DACH1: variants seen among roughly 807,000 people sequenced by gnomAD.
DACH1 encodes the protein dachshund family transcription factor 1.
Under a neutral mutation model 54.2 loss-of-function variants are expected in DACH1, and 12 were observed. The observed-to-expected ratio is 0.22, with a 90% CI of 0.14 to 0.36. The LOEUF is 0.36. Among genes scored for constraint, DACH1 ranks in the 10% least tolerant of loss-of-function variants. The probability of loss-of-function intolerance (pLI) is 1.00; values close to 1 mark genes in which losing one functional copy is unlikely to be tolerated. For synonymous variants in DACH1, 386 were observed against 366.2 expected (o/e 1.05, Z -0.62); for missense variants, 805 against 929.8 (o/e 0.87, Z 1.75).
chr13:71,732,388 C>T (rs1199951395), intron 1 of DACH1, among the ~76,000 whole-genome samples: 1 of 151,820 alleles, frequency 6.6e-6, no homozygotes, highest in Non-Finnish European at 1.5e-5. Context: ...AGTTCGAGAC[C>T]AGCCTGGCCA....
chr13:71,766,408 G>GT (rs1885630824), intron 1 of DACH1, among the ~76,000 whole-genome samples: 1 of 152,062 alleles, frequency 6.6e-6, no homozygotes, highest in African/African-American at 2.4e-5. Context: ...AAGCAACCCA[G>GT]TTTTTTCTAA....
intron 6 of DACH1, among the ~76,000 whole-genome samples, chr13:71,495,532 G>C (rs1879336153): frequency 6.6e-6 from 1 of 152,010 alleles, no homozygotes; most frequent in Non-Finnish European, 1.5e-5. Flanking sequence ...ATTATTTCCA[G>C]ACATAAAACA....
chr13:71,669,843 G>A (rs1472781144), intron 2 of DACH1, among the ~76,000 whole-genome samples: 1 of 152,150 alleles, frequency 6.6e-6, no homozygotes, highest in Non-Finnish European at 1.5e-5. Flanking sequence ...GAACAAGTGA[G>A]GGCAGGTAGT....
rs549565672 is a variant in DACH1 at position 71,782,640 on chromosome 13, C to G, written c.848+83282G>C. Among the ~76,000 whole-genome samples, 5 of 152,046 alleles carry G rather than the reference C, an allele frequency of 3.3e-5. No individual in the cohort carries two copies. The South Asian group carries it at 1.0e-3, about 32-fold the overall frequency. On this transcript the variant is annotated intron_variant, in intron 1 of 10. Transcript: ENST00000613252. ...CCCATAAAAATCACAGCATCAGGAACTATCTTAGTCATCAGCATCCATTCA... is the reference window on the plus strand; with the variant it reads ...CCCATAAAAATCACAGCATCAGGAAGTATCTTAGTCATCAGCATCCATTCA...
At chr13:71,753,119 C>T (rs974565501) in intron 1 of DACH1, among the ~76,000 whole-genome samples, 1 of 152,118 alleles carries the variant, frequency 6.6e-6, no homozygotes, top group Non-Finnish European at 1.5e-5. Context: ...GAAAAATAAG[C>T]GAACCACTGC....
chr13:71,633,500 T>C (rs916745710), intron 2 of DACH1, among the ~76,000 whole-genome samples: 1 of 152,150 alleles, frequency 6.6e-6, no homozygotes, highest in Non-Finnish European at 1.5e-5. Flanking sequence ...ATGATTTTAT[T>C]ATTTAGCTGA....
Position 71,840,911 on chromosome 13 carries a change from T to C in DACH1, c.848+25011A>G, listed in dbSNP as rs76826413. On this transcript the variant is annotated intron_variant, in intron 1 of 10. Coordinates refer to ENST00000613252, the MANE Select transcript of DACH1 (RefSeq NM_080759.6). ...TCCGTCTTACAAACATTAAAGAACATGTACAAAGTTGAGATGGGAAACACA... is the reference window on the plus strand; with the variant it reads ...TCCGTCTTACAAACATTAAAGAACACGTACAAAGTTGAGATGGGAAACACA... Among the ~76,000 whole-genome samples the C allele has an allele frequency of 3.4e-3, 512 of 152,284 alleles. 9 individuals carry two copies. The East Asian group carries it at 0.06, about 18-fold the overall frequency.
At chr13:71,576,042 C>T (rs755024449) in intron 3 of DACH1, among the ~76,000 whole-genome samples, 31 of 150,658 alleles carry the variant, frequency 2.1e-4, no homozygotes, top group Admixed American at 4.0e-4. Context: ...TATATTAGCA[C>T]GATATAAACC....
intron 3 of DACH1, among the ~76,000 whole-genome samples, chr13:71,597,204 T>C (rs1463496226): frequency 1.3e-5 from 2 of 152,130 alleles, no homozygotes; most frequent in African/African-American, 4.8e-5. Flanking sequence ...AAATTGTCTA[T>C]TATAAAATAA....
At chr13:71,455,051 C>G (rs1250237672) in intron 10 of DACH1, among the ~76,000 whole-genome samples, 1 of 152,064 alleles carries the variant, frequency 6.6e-6, no homozygotes, top group East Asian at 1.9e-4. Context: ...GTGAACTCAC[C>G]AAACCAAATG....
At chr13:71,811,077 A>G (rs1887690950) in intron 1 of DACH1, among the ~76,000 whole-genome samples, 1 of 152,066 alleles carries the variant, frequency 6.6e-6, no homozygotes, top group Non-Finnish European at 1.5e-5. Context: ...TCCCTTCCAT[A>G]CTAATTCACC....
chr13:71,716,003 T>C (rs995475214), intron 1 of DACH1, among the ~76,000 whole-genome samples: 1 of 152,082 alleles, frequency 6.6e-6, no homozygotes, highest in African/African-American at 2.4e-5. Flanking sequence ...ATTCAACATG[T>C]CTGATGTAAA....
At chr13:71,481,624 A>G (rs970053859) in intron 7 of DACH1, among the ~76,000 whole-genome samples, 5 of 152,186 alleles carry the variant, frequency 3.3e-5, no homozygotes, top group African/African-American at 1.2e-4. Context: ...TAATTTTTAG[A>G]CTTTGTATCA....
intron 1 of DACH1, among the ~76,000 whole-genome samples, chr13:71,730,546 T>C (rs1361014373): frequency 1.3e-5 from 2 of 152,168 alleles, no homozygotes; most frequent in East Asian, 3.8e-4. Flanking sequence ...GTTGTCTAAT[T>C]TTAATTTCTT....
At chr13:71,793,817 A>G (rs1031543369) in intron 1 of DACH1, among the ~76,000 whole-genome samples, 1 of 152,132 alleles carries the variant, frequency 6.6e-6, no homozygotes, top group East Asian at 1.9e-4. Context: ...GTGAGCCACC[A>G]TGCCTAGCCG....
At chr13:71,608,316 A>T (rs1325378483) in intron 3 of DACH1, among the ~76,000 whole-genome samples, 1 of 151,992 alleles carries the variant, frequency 6.6e-6, no homozygotes, top group Non-Finnish European at 1.5e-5. Flanking sequence ...TCTTCTATGA[A>T]AACTATTAAC....
intron 6 of DACH1, among the ~76,000 whole-genome samples, chr13:71,548,475 T>G (rs1883599287): frequency 6.6e-6 from 1 of 152,182 alleles, no homozygotes; most frequent in African/African-American, 2.4e-5. Context: ...TGTACATTTC[T>G]AAATAAGTCT....
intron 6 of DACH1, among the ~76,000 whole-genome samples, chr13:71,533,574 G>A (rs1186863128): frequency 6.6e-6 from 1 of 151,870 alleles, no homozygotes; most frequent in Non-Finnish European, 1.5e-5. Context: ...TTATTTAAGG[G>A]TCTTTTCTTC....
chr13:71,833,742 T>C lies in DACH1; in HGVS notation c.848+32180A>G, dbSNP rs376979190. ...AAAGACCTTCGACAGTGTCATGCAG[T>C]TTTGCCTAGGATGGCTTTGTGAAGC... On this transcript the variant is annotated intron_variant, in intron 1 of 10. Transcript: ENST00000613252. Among the ~76,000 whole-genome samples the C allele has an allele frequency of 2.6e-5, 4 of 152,118 alleles. No homozygotes were observed. In the South Asian group the frequency reaches 6.2e-4, roughly 24 times the overall value.
Sources: allele counts gnomAD v4.1 joint callset (sites outside exome capture counted in the v4.1 genomes callset), GRCh38; gene constraint gnomAD v4.1.1; transcripts MANE v1.5; gene names NCBI Gene and HGNC (gene_info 2026-07-23, HGNC 2026-07-21).